The following NCKAP5 variants were observed in gnomAD, a reference collection of about 807,000 sequenced individuals.
The protein encoded by NCKAP5 is nck-associated protein 5.
NCKAP5 carries 92 observed loss-of-function variants against 167.0 expected under a neutral mutation model. The ratio of observed to expected loss-of-function variants is 0.55; its 90% CI spans 0.47 to 0.66. NCKAP5 has a LOEUF of 0.66. NCKAP5 is among the 30% of genes least tolerant of loss of function. The probability of loss-of-function intolerance (pLI) is 0.00; values close to 1 mark genes in which losing one functional copy is unlikely to be tolerated. For missense variants in NCKAP5, 2,378 were observed against 2,315.0 expected (o/e 1.03, Z -0.56); for synonymous variants, 891 against 877.4 (o/e 1.02, Z -0.27).
chr2:132,742,443 T>A (rs949505046), intron 16 of NCKAP5, among the ~76,000 whole-genome samples: 5 of 151,988 alleles, frequency 3.3e-5, no homozygotes, highest in African/African-American at 1.2e-4. Context: ...TAGCAACTGA[T>A]GAAAATTTTA....
chr2:133,144,746 T>C (rs1228853020), intron 5 of NCKAP5, among the ~76,000 whole-genome samples: 1 of 152,240 alleles, frequency 6.6e-6, no homozygotes, highest in Non-Finnish European at 1.5e-5. Context: ...TACATAGAAT[T>C]ATATTTTACC....
chr2:133,346,595 G>T (rs1387602265), intron 3 of NCKAP5, among the ~76,000 whole-genome samples: 1 of 152,182 alleles, frequency 6.6e-6, no homozygotes, highest in Non-Finnish European at 1.5e-5. Context: ...TAGCCATATG[G>T]CAGCTTCCAG....
chr2:132,795,820 G>GAAAAA (rs55826486), intron 12 of NCKAP5, among the ~76,000 whole-genome samples: 92 of 85,022 alleles, frequency 1.1e-3, no homozygotes, highest in Non-Finnish European at 1.7e-3. Flanking sequence ...CCCCGTATCA[G>GAAAAA]AAAAAAAAAA....
intron 8 of NCKAP5, among the ~76,000 whole-genome samples, chr2:132,954,158 G>A (rs2076274417): frequency 6.6e-6 from 1 of 152,194 alleles, no homozygotes; most frequent in African/African-American, 2.4e-5. Context: ...ACTTGCAACT[G>A]AAAGAGTAAT....
intron 3 of NCKAP5, among the ~76,000 whole-genome samples, chr2:133,322,784 C>G (rs972088507): frequency 6.6e-6 from 1 of 152,106 alleles, no homozygotes; most frequent in Non-Finnish European, 1.5e-5. Context: ...GGGGCCAGAT[C>G]AGTGGTTAGC....
chr2:133,515,452 A>G (rs1214587150), intron 3 of NCKAP5, among the ~76,000 whole-genome samples: 1 of 152,212 alleles, frequency 6.6e-6, no homozygotes, highest in African/African-American at 2.4e-5. Flanking sequence ...GAAACAAGGA[A>G]AAGATTTCAC....
chr2:132,789,004 C>T (rs78734341), intron 13 of NCKAP5, among the ~76,000 whole-genome samples: 76 of 152,254 alleles, frequency 5.0e-4, no homozygotes, highest in African/African-American at 1.7e-3. Context: ...TGACAGAGCC[C>T]TATTAAGGAT....
intron 7 of NCKAP5, among the ~76,000 whole-genome samples, chr2:132,964,271 C>T (rs990731475): frequency 1.3e-5 from 2 of 152,224 alleles, no homozygotes; most frequent in East Asian, 1.9e-4. Flanking sequence ...ATTAAAGTCA[C>T]TGGACATGCA....
chr2:132,682,263 T>TG (rs1044186427), intron 19 of NCKAP5, among the ~76,000 whole-genome samples: 2 of 152,146 alleles, frequency 1.3e-5, no homozygotes, highest in African/African-American at 4.8e-5. Flanking sequence ...GACATGCTGG[T>TG]GGGGAGGTTG....
At chr2:133,227,755 C>A (rs2086960097) in intron 4 of NCKAP5, among the ~76,000 whole-genome samples, 1 of 152,162 alleles carries the variant, frequency 6.6e-6, no homozygotes. Context: ...CATCATTGAG[C>A]TTTGTATCCT....
At chr2:133,006,606 T>G (rs570014680) in intron 6 of NCKAP5, among the ~76,000 whole-genome samples, 3 of 142,612 alleles carry the variant, frequency 2.1e-5, no homozygotes, top group African/African-American at 8.0e-5. Context: ...TCTCACACAG[T>G]TTTTATTTTA....
intron 3 of NCKAP5, among the ~76,000 whole-genome samples, chr2:133,407,174 C>T (rs927340913): frequency 1.3e-5 from 2 of 152,176 alleles, no homozygotes; most frequent in African/African-American, 2.4e-5. Context: ...CCAGGAATTT[C>T]GTCTTAACTT....
At chr2:132,870,213 G>A (rs1690697563) in intron 9 of NCKAP5, among the ~76,000 whole-genome samples, 2 of 152,114 alleles carry the variant, frequency 1.3e-5, no homozygotes, top group Non-Finnish European at 2.9e-5. Flanking sequence ...TTTGTGTTAA[G>A]ATTTCTTTTT....
intron 4 of NCKAP5, among the ~76,000 whole-genome samples, chr2:133,233,026 C>T (rs762801706): frequency 5.3e-4 from 81 of 152,246 alleles, no homozygotes; most frequent in Middle Eastern, 3.4e-3. Context: ...AACTGACTGG[C>T]TTCTGTGTTA....
intron 8 of NCKAP5, among the ~76,000 whole-genome samples, chr2:132,925,800 T>C (rs1287869571): frequency 6.6e-6 from 1 of 152,200 alleles, no homozygotes; most frequent in African/African-American, 2.4e-5. Flanking sequence ...GAAGTAACTT[T>C]GCCAATGTGA....
chr2:133,332,781 G>A (rs1419850328), intron 3 of NCKAP5, among the ~76,000 whole-genome samples: 1 of 152,190 alleles, frequency 6.6e-6, no homozygotes, highest in Non-Finnish European at 1.5e-5. Flanking sequence ...GGGGAGGTCT[G>A]GAAGCTTTCC....
chr2:132,682,840 T>C (rs1031074895), intron 19 of NCKAP5, among the ~76,000 whole-genome samples: 7 of 152,168 alleles, frequency 4.6e-5, no homozygotes, highest in African/African-American at 1.7e-4. Context: ...CTGAGTCTGG[T>C]GACTTTCTGA....
In NCKAP5 at chr2:132,785,292, C is replaced by A. The variant is rs1683465490; in HGVS notation, c.1519G>T (p.Val507Phe). ...RPHGSKLTHS[V>F]SDSLFGWETN... ...TCCCAGCCAAACAGACTGTCGGAAA[C>A]ACTGTGGGTTAATTTACTGCCATGT... The change falls in exon 14 of 20, where the codon GTT (valine) becomes TTT (phenylalanine). Residue 507 changes from valine (V) to phenylalanine (F), a missense_variant. Around this residue, in one of 3 missense-constraint regions of NCKAP5, gnomAD observed 1,049 missense variants for 1,023.4 expected, o/e 1.02. Coordinates refer to ENST00000409261, the MANE Select transcript of NCKAP5 (RefSeq NM_207363.3). 2.5e-6 allele frequency: 4 copies of A among 1,603,618 alleles called. No homozygotes were observed. The highest frequency in any genetic ancestry group is 3.4e-6 in the Non-Finnish European group (4 of 1,173,878).
intron 3 of NCKAP5, among the ~76,000 whole-genome samples, chr2:133,426,074 A>G (rs1689775969): frequency 6.6e-6 from 1 of 152,154 alleles, no homozygotes; most frequent in Admixed American, 6.5e-5. Flanking sequence ...GTTCAAGACC[A>G]GCCTGGCCAA....
Sources: gnomAD v4.1 joint callset for allele counts (sites outside exome capture counted in the v4.1 genomes callset) on GRCh38, gnomAD v4.1.1 for gene constraint, gnomAD v4.1.1 regional missense constraint, MANE v1.5 for transcripts, NCBI Gene and HGNC (gene_info 2026-07-23, HGNC 2026-07-21) for gene names.